The following MAP2 variants were observed in gnomAD, a reference collection of about 807,000 sequenced individuals.
The protein encoded by MAP2 is microtubule associated protein 2, also known as microtubule-associated protein 2.
In MAP2, 14 loss-of-function variants were observed where a neutral mutation model predicts 137.6. The observed-to-expected ratio is 0.10, with a 90% confidence interval of 0.07 to 0.16. The LOEUF (loss-of-function observed/expected upper bound fraction) is 0.16. MAP2 is among the 10% of genes least tolerant of loss of function. MAP2 has a pLI of 1.00. For synonymous variants in MAP2, 786 were observed against 782.3 expected, an observed-to-expected ratio of 1.00 and a Z score of -0.08; for missense variants, 2,088 against 2,191.5, an observed-to-expected ratio of 0.95 and a Z score of 0.94.
intron 2 of MAP2, among the ~76,000 whole-genome samples, chr2:209,507,959 T>C (rs1411915355): frequency 6.6e-6 from 1 of 152,160 alleles, no homozygotes; most frequent in Non-Finnish European, 1.5e-5. Context: ...AGTGACTTCT[T>C]GGAAGGCTGA....
chr2:209,556,317 T>C (rs529717913), intron 2 of MAP2, among the ~76,000 whole-genome samples: 11 of 152,280 alleles, frequency 7.2e-5, no homozygotes, highest in African/African-American at 2.6e-4. Context: ...GTGCAGGGAT[T>C]GTAGGCGCGA....
intron 3 of MAP2, among the ~76,000 whole-genome samples, chr2:209,600,915 A>T (rs540568064): frequency 6.6e-6 from 1 of 152,276 alleles, no homozygotes; most frequent in Admixed American, 6.5e-5. Context: ...CTTTCTTTAC[A>T]TGCACAGATT....
chr2:209,584,113 T>C (rs990051503), intron 3 of MAP2, among the ~76,000 whole-genome samples: 2 of 152,134 alleles, frequency 1.3e-5, no homozygotes, highest in Admixed American at 1.3e-4. Context: ...TCATTCTTTT[T>C]ATGGCTGTGT....
chr2:209,528,757 T>C (rs957878316), intron 2 of MAP2, among the ~76,000 whole-genome samples: 2 of 145,476 alleles, frequency 1.4e-5, no homozygotes, highest in Non-Finnish European at 3.0e-5. Context: ...TGTACATATG[T>C]ATGTATATAT....
chr2:209,625,955 A>T (rs1266215228), intron 4 of MAP2, among the ~76,000 whole-genome samples: 1 of 152,148 alleles, frequency 6.6e-6, no homozygotes, highest in Non-Finnish European at 1.5e-5. Flanking sequence ...TTATGGAAAG[A>T]TTATAAATGA....
intron 2 of MAP2, 138 bp downstream of exon 2, chr2:209,507,779 C>T (rs754793486): frequency 5.9e-5 from 9 of 152,014 alleles, no homozygotes; most frequent in South Asian, 4.2e-4. Context: ...GGATATATTT[C>T]GGAGTTGGCC....
Position 209,695,383 on chromosome 2 carries a change from A to C in MAP2, c.3213A>C (p.Lys1071Asn). ...NIDDRRATEL[K>N]LEATQDMTPS... ...ATGATAGAAGGGCAACAGAGCTAAAACTTGAGGCTACACAGGACATGACCC... is the reference window on the plus strand; with the variant it reads ...ATGATAGAAGGGCAACAGAGCTAAACCTTGAGGCTACACAGGACATGACCC... The change falls in exon 8 of 16, where the codon AAA becomes AAC. Residue 1071 changes from lysine (K) to asparagine (N), a missense_variant. Around this residue, in one of 6 missense-constraint regions of MAP2, gnomAD observed 500 missense variants for 482.9 expected, o/e 1.04. Coordinates refer to ENST00000682079, the MANE Select transcript of MAP2 (RefSeq NM_001375505.1). 6 of 1,613,258 alleles carry C rather than the reference A, an allele frequency of 3.7e-6. No individual in the cohort carries two copies. The highest frequency in any genetic ancestry group is 5.1e-6 in the Non-Finnish European group (6 of 1,179,652).
intron 13 of MAP2, among the ~76,000 whole-genome samples, chr2:209,722,320 G>A (rs2071466553): frequency 6.6e-6 from 1 of 152,210 alleles, no homozygotes; most frequent in African/African-American, 2.4e-5. Context: ...TCTTGTCAAT[G>A]TTAGGCAGGC....
Position 209,648,217 on chromosome 2 carries a change from T to G in MAP2, c.-29-4925T>G, listed in dbSNP as rs1274478130. Among the ~76,000 whole-genome samples, 3 of 151,666 alleles carry G rather than the reference T, an allele frequency of 2.0e-5. No homozygotes were observed. In the East Asian group the frequency reaches 5.8e-4, roughly 30 times the overall value. On this transcript the variant is annotated intron_variant, in intron 4 of 15. Transcript: ENST00000682079. ...CCCAGGTTCAAGCAATTCTTCTGCC[T>G]CAGCCTCCCAAGTAGCTGGAACTAC...
At chr2:209,588,920 G>A (rs1402166654) in intron 3 of MAP2, among the ~76,000 whole-genome samples, 1 of 152,004 alleles carries the variant, frequency 6.6e-6, no homozygotes, top group African/African-American at 2.4e-5. Flanking sequence ...AATCATACAA[G>A]AACTCATGAG....
At chr2:209,523,387 CACTCTT>C (rs2063558132) in intron 2 of MAP2, among the ~76,000 whole-genome samples, 1 of 152,134 alleles carries the variant, frequency 6.6e-6, no homozygotes, top group Non-Finnish European at 1.5e-5. Context: ...TGCCCACATT[CACTCTT>C]ACTCTCATTG....
chr2:209,451,287 C>T (rs763680056), intron 1 of MAP2, among the ~76,000 whole-genome samples: 9 of 152,182 alleles, frequency 5.9e-5, no homozygotes, highest in Non-Finnish European at 1.2e-4. Flanking sequence ...TGACCCTAGG[C>T]GTCTGCCCAT....
At chr2:209,581,177 C>T (rs563363544) in intron 3 of MAP2, among the ~76,000 whole-genome samples, 2 of 152,214 alleles carry the variant, frequency 1.3e-5, no homozygotes, top group Admixed American at 1.3e-4. Flanking sequence ...TTAATATCTG[C>T]AATGTATAAT....
At chr2:209,521,559 TAAA>T (rs1052367934) in intron 2 of MAP2, among the ~76,000 whole-genome samples, 2 of 147,434 alleles carry the variant, frequency 1.4e-5, no homozygotes, top group African/African-American at 5.0e-5. Context: ...TAATCTTATT[TAAA>T]AAAAAAAAAT....
intron 4 of MAP2, among the ~76,000 whole-genome samples, chr2:209,626,771 G>A (rs767738636): frequency 6.6e-5 from 10 of 152,074 alleles, no homozygotes; most frequent in Non-Finnish European, 1.3e-4. Flanking sequence ...ATGAAGATCT[G>A]GTTGACACCT....
intron 1 of MAP2, among the ~76,000 whole-genome samples, chr2:209,428,951 A>ATTTATTTG (rs1306812845): frequency 2.0e-5 from 3 of 148,422 alleles, no homozygotes; most frequent in Non-Finnish European, 4.5e-5. Context: ...TTATTTATTT[A>ATTTATTTG]TTTATTTATT....
intron 1 of MAP2, among the ~76,000 whole-genome samples, chr2:209,482,726 A>T (rs2057888282): frequency 6.6e-6 from 1 of 152,212 alleles, no homozygotes; most frequent in South Asian, 2.1e-4. Flanking sequence ...ACTGATAGAA[A>T]AAAGTCTTAG....
At chr2:209,724,193 A>G (rs1163801562) in intron 13 of MAP2, among the ~76,000 whole-genome samples, 1 of 152,208 alleles carries the variant, frequency 6.6e-6, no homozygotes, top group Non-Finnish European at 1.5e-5. Flanking sequence ...CTGGTGGAGC[A>G]TGGTTCATTT....
At chr2:209,722,765 A>G (rs1354078404) in intron 13 of MAP2, among the ~76,000 whole-genome samples, 1 of 152,176 alleles carries the variant, frequency 6.6e-6, no homozygotes, top group Non-Finnish European at 1.5e-5. Context: ...CTTCAAGATG[A>G]ATGTTTGACT....
Sources: gnomAD v4.1 joint callset for allele counts (sites outside exome capture counted in the v4.1 genomes callset) on GRCh38, gnomAD v4.1.1 for gene constraint, gnomAD v4.1.1 regional missense constraint, MANE v1.5 for transcripts, NCBI Gene and HGNC (gene_info 2026-07-23, HGNC 2026-07-21) for gene names.